The following PCDHA7 variants were observed in gnomAD, a reference collection of about 807,000 sequenced individuals.
PCDHA7 encodes the protein protocadherin alpha-7.
A neutral mutation model predicts 57.2 loss-of-function variants in PCDHA7; 37 were observed. That is an observed-to-expected ratio of 0.65 (90% CI 0.50 to 0.85). PCDHA7 has a LOEUF of 0.85. Among genes scored for constraint, PCDHA7 ranks in the 40% least tolerant of loss-of-function variants. The pLI is 0.00. For missense variants in PCDHA7, 1,188 were observed against 1,241.8 expected (o/e 0.96, Z 0.65); for synonymous variants, 553 against 558.8 (o/e 0.99, Z 0.15).
Position 141,010,284 on chromosome 5 carries a change from A to G in PCDHA7, c.*347A>G. 6.4e-7 allele frequency: 1 copy of G among 1,551,156 alleles called. No homozygotes were observed. Among genetic ancestry groups the G allele is most frequent in the Non-Finnish European group, 8.7e-7 (1 of 1,146,860 alleles). On this transcript the variant is annotated 3_prime_UTR_variant, in exon 4 of 4. Coordinates refer to ENST00000525929, the MANE Select transcript of PCDHA7 (RefSeq NM_018910.3). ...GCTCCGGGGATCCTGTCTTGATGACACTTGCAGGGCAGGCTGAAAAGTTTT... is the reference window on the plus strand; with the variant it reads ...GCTCCGGGGATCCTGTCTTGATGACGCTTGCAGGGCAGGCTGAAAAGTTTT...
chr5:140,899,140 G>A (rs2067159296), intron 1 of PCDHA7, among the ~76,000 whole-genome samples: 1 of 152,090 alleles, frequency 6.6e-6, no homozygotes, highest in Non-Finnish European at 1.5e-5. Flanking sequence ...CTGCAAACAG[G>A]GACAATTTGA....
intron 1 of PCDHA7, chr5:140,863,371 C>A: frequency 2.6e-6 from 3 of 1,169,148 alleles, no homozygotes; most frequent in Non-Finnish European, 3.7e-6. Context: ...CTTGGCGCAG[C>A]TCACCGAGAG....
intron 3 of PCDHA7, among the ~76,000 whole-genome samples, chr5:140,986,934 C>T (rs1379562819): frequency 6.6e-6 from 1 of 152,160 alleles, no homozygotes; most frequent in East Asian, 1.9e-4. Flanking sequence ...AGGATGGAGG[C>T]TGGGTGTGGT....
At chr5:140,875,524 C>T in intron 1 of PCDHA7, 1 of 1,614,084 alleles carries the variant, frequency 6.2e-7, no homozygotes, top group East Asian at 2.2e-5. Context: ...GCTGCTCTCG[C>T]TTCTGCTCCT....
rs760426957 is a variant in PCDHA7, at chr5:141,009,783, G to A, written c.2660G>A (p.Arg887Gln). 2.5e-6 allele frequency: 4 copies of A among 1,613,880 alleles called. No individual in the cohort carries two copies. Among genetic ancestry groups the A allele is most frequent in the Admixed American group, 3.3e-5 (2 of 59,976 alleles). Reference protein sequence around the residue: ...IPGSPAIISIRQEPTNSQIDK... With the variant: ...IPGSPAIISIQQEPTNSQIDK... ...GGATCTCCTGCAATCATCTCCATCC[G>A]GCAGGAGCCTACTAACAGCCAAATT... is the stretch of plus-strand genomic sequence containing the variant. Residue 887 changes from arginine (R) to glutamine (Q), a missense_variant, in exon 4 of 4, where the codon CGG becomes CAG. Transcript: ENST00000525929.
intron 1 of PCDHA7, among the ~76,000 whole-genome samples, chr5:140,932,121 T>C (rs1343821167): frequency 6.6e-6 from 1 of 151,956 alleles, no homozygotes; most frequent in Non-Finnish European, 1.5e-5. Context: ...ATTGATAATA[T>C]TTAAGATATA....
At chr5:140,838,432 A>G (rs1426566624) in intron 1 of PCDHA7, among the ~76,000 whole-genome samples, 2 of 151,466 alleles carry the variant, frequency 1.3e-5, no homozygotes, top group African/African-American at 4.9e-5. Flanking sequence ...CCTAAATTAT[A>G]TATTGGGTTT....
At chr5:141,006,553 G>A (rs1554260809) in intron 3 of PCDHA7, among the ~76,000 whole-genome samples, 1 of 152,168 alleles carries the variant, frequency 6.6e-6, no homozygotes, top group African/African-American at 2.4e-5. Context: ...AAGAAATAAA[G>A]ATGACTCTGG....
chr5:140,861,632 A>G (rs1314096154), intron 1 of PCDHA7: 8 of 308,696 alleles, frequency 2.6e-5, no homozygotes, highest in Non-Finnish European at 3.9e-5. Context: ...TGTTCTCAGC[A>G]ACACAAAAGA....
chr5:140,869,392 G>C (rs372231398), intron 1 of PCDHA7: 24 of 1,614,164 alleles, frequency 1.5e-5, no homozygotes, highest in African/African-American at 1.5e-4. Flanking sequence ...GGAGCTGTGC[G>C]GGCAGAGCGC....
chr5:140,845,564 A>G (rs945837920), intron 1 of PCDHA7, among the ~76,000 whole-genome samples: 4 of 149,618 alleles, frequency 2.7e-5, no homozygotes, highest in African/African-American at 9.8e-5. Context: ...TTAGCTATTA[A>G]GAATTTCTGG....
At chr5:140,861,386 G>A in intron 1 of PCDHA7, 1 of 440,552 alleles carries the variant, frequency 2.3e-6, no homozygotes, top group Non-Finnish European at 4.6e-6. Context: ...CGCAGGACCT[G>A]GGTCTGGAGC....
At chr5:140,925,812 A>G (rs2082739434) in intron 1 of PCDHA7, among the ~76,000 whole-genome samples, 1 of 151,890 alleles carries the variant, frequency 6.6e-6, no homozygotes. Flanking sequence ...TCCACTTCTC[A>G]CGTCTTCTTT....
rs542875982 is a variant in PCDHA7 at position 140,939,696 on chromosome 5, T to C, written c.2356-39253T>C. On this transcript the variant is annotated intron_variant, in intron 1 of 3. Coordinates refer to ENST00000525929, the MANE Select transcript of PCDHA7 (RefSeq NM_018910.3). Reference sequence around the variant, plus strand: ...TATGTATGTGTGTGTTGCTGGACATTATCATTTGTGAGATACATTTATATT... The same window carrying C: ...TATGTATGTGTGTGTTGCTGGACATCATCATTTGTGAGATACATTTATATT... Among the ~76,000 whole-genome samples the C allele has an allele frequency of 1.6e-4, 24 of 152,340 alleles. No homozygotes were observed. The East Asian group carries it at 2.7e-3, about 17-fold the overall frequency.
chr5:140,848,206 A>G lies in PCDHA7; in HGVS notation c.2355+11468A>G, dbSNP rs1354979846. The G allele has an allele frequency of 2.7e-5, 9 of 338,544 alleles. No homozygotes were observed. In the East Asian group the frequency reaches 4.5e-4, roughly 17 times the overall value. 21.0% of individuals were successfully genotyped at this position (338,544 alleles called of 1,614,324 possible). A position where few individuals can be genotyped will look rare whatever the true frequency, so the allele number is the denominator to read the frequency against. On this transcript the variant is annotated intron_variant, in intron 1 of 3. Transcript: ENST00000525929. ...GGGATCTTCTGTTTCAACAATCATTACTTAAGAAAAAATTAAGAAAATGAA... is the reference window on the plus strand; with the variant it reads ...GGGATCTTCTGTTTCAACAATCATTGCTTAAGAAAAAATTAAGAAAATGAA...
rs1281739668 is a variant in PCDHA7, at chr5:140,966,815, C to T, written c.2356-12134C>T. On this transcript the variant is annotated intron_variant, in intron 1 of 3. Transcript: ENST00000525929. The stretch of plus-strand genomic sequence containing the variant: ...TGCGGCGACAGAGCATCCACGGCTC[C>T]GGCGGCCCATGCCCTGGCTGCTGCT... 1.9e-6 allele frequency: 3 copies of T among 1,552,884 alleles called. No individual in the cohort carries two copies. The highest frequency in any genetic ancestry group is 1.7e-6 in the Non-Finnish European group (2 of 1,153,182).
chr5:140,868,956 C>T (rs2050758654), intron 1 of PCDHA7: 9 of 1,367,630 alleles, frequency 6.6e-6, no homozygotes, highest in Non-Finnish European at 7.9e-6. Flanking sequence ...GAGGCACTCC[C>T]ATACAAAGGA....
At chr5:140,987,316 G>A (rs13153056) in intron 3 of PCDHA7, among the ~76,000 whole-genome samples, 9,624 of 152,218 alleles carry the variant, frequency 0.063, 338 homozygotes, top group East Asian at 0.12. Flanking sequence ...AATGTACTGT[G>A]AAGTTTTAAG....
chr5:140,843,542 T>C lies in PCDHA7; in HGVS notation c.2355+6804T>C, dbSNP rs2150362325. ...CCGGGCGGGCAAGCCCACTCTGGTG[T>C]GCTCCAGTGCGGTGGGGAGCTGGTC... On this transcript the variant is annotated intron_variant, in intron 1 of 3. Coordinates refer to ENST00000525929, the MANE Select transcript of PCDHA7 (RefSeq NM_018910.3). 10 of 1,595,778 alleles carry C rather than the reference T, an allele frequency of 6.3e-6. 1 individual carries two copies. Among genetic ancestry groups the C allele is most frequent in the Non-Finnish European group, 8.6e-6 (10 of 1,165,434 alleles).
Sources: gnomAD v4.1 joint callset for allele counts (sites outside exome capture counted in the v4.1 genomes callset) on GRCh38, gnomAD v4.1.1 for gene constraint, MANE v1.5 for transcripts, NCBI Gene and HGNC (gene_info 2026-07-23, HGNC 2026-07-21) for gene names.